The following OPA1 variants were observed in gnomAD, a reference collection of about 807,000 sequenced individuals.
OPA1 encodes dynamin-like GTPase OPA1, mitochondrial.
OPA1 carries 59 observed loss-of-function variants against 152.9 expected under a neutral mutation model. That is an observed-to-expected ratio of 0.39 (90% CI 0.31 to 0.48). The LOEUF (loss-of-function observed/expected upper bound fraction) is 0.48. OPA1 is among the 20% of genes least tolerant of loss of function. The pLI is 0.96. For missense variants in OPA1, 1,008 were observed against 1,216.8 expected (o/e 0.83, Z 2.55); for synonymous variants, 400 against 389.9 (o/e 1.03, Z -0.31).
intron 29 of OPA1, among the ~76,000 whole-genome samples, chr3:193,690,165 C>G (rs940931994): frequency 6.7e-6 from 1 of 149,920 alleles, no homozygotes; most frequent in African/African-American, 2.5e-5. Flanking sequence ...AAAATTGAGA[C>G]TCAACTTCTA....
chr3:193,683,892 A>T (rs2109410264), intron 29 of OPA1, among the ~76,000 whole-genome samples: 1 of 152,328 alleles, frequency 6.6e-6, no homozygotes. Flanking sequence ...TATACGCTTT[A>T]TTGTGGCAGT....
chr3:193,668,757 T>C, intron 29 of OPA1: 1 of 1,246,984 alleles, frequency 8.0e-7, no homozygotes, highest in Non-Finnish European at 1.0e-6. Flanking sequence ...CCCCCTAGCT[T>C]GGCCCTACTA....
chr3:193,695,036 A>G lies in OPA1; in HGVS notation c.*436A>G, dbSNP rs983371276. On this transcript the variant is annotated 3_prime_UTR_variant, in exon 31 of 31. Transcript: ENST00000361510. ...TTGTTTAAAGTTATCAATTGTATAT[A>G]AAATCACAGTAGCCTGCTAAATCAT... is the stretch of plus-strand genomic sequence containing the variant. The G allele has an allele frequency of 6.6e-6, 1 of 152,266 alleles. No homozygotes were observed. Among genetic ancestry groups the G allele is most frequent in the African/African-American group, 2.4e-5 (1 of 41,478 alleles). 9.4% of individuals were successfully genotyped at this position (152,266 alleles called of 1,614,324 possible). A position where few individuals can be genotyped will look rare whatever the true frequency, so the allele number is the denominator to read the frequency against.
At chr3:193,615,824 A>T (rs1003985532) in intron 3 of OPA1, 54 bp downstream of exon 3, 1 of 992,968 alleles carries the variant, frequency 1.0e-6, no homozygotes, top group Admixed American at 1.7e-5. Flanking sequence ...GGAAAGAGAA[A>T]TAGTTTATTG....
chr3:193,618,838 G>A, intron 5 of OPA1, 31 bp from the exon 6 acceptor site: 1 of 1,566,330 alleles, frequency 6.4e-7, no homozygotes, highest in South Asian at 1.1e-5. Context: ...CATCACTGGA[G>A]AATGTAAAGG....
chr3:193,648,763 A>G, intron 20 of OPA1, 32 bp from the exon 21 acceptor site: 2 of 1,408,470 alleles, frequency 1.4e-6, no homozygotes, highest in East Asian at 2.3e-5. Context: ...TGTCTTATGG[A>G]AATCTTACTT....
intron 8 of OPA1, among the ~76,000 whole-genome samples, chr3:193,633,967 T>C (rs1406755316): frequency 6.6e-6 from 1 of 152,198 alleles, no homozygotes; most frequent in African/African-American, 2.4e-5. Flanking sequence ...TCATACTATG[T>C]AGGTGTTCAA....
At chr3:193,632,066 C>T (rs1353403146) in intron 8 of OPA1, among the ~76,000 whole-genome samples, 1 of 152,148 alleles carries the variant, frequency 6.6e-6, no homozygotes, top group Non-Finnish European at 1.5e-5. Flanking sequence ...TCAGACAATG[C>T]TTATCTAAAG....
At chr3:193,653,267 G>A (rs931435902) in intron 21 of OPA1, among the ~76,000 whole-genome samples, 4 of 152,162 alleles carry the variant, frequency 2.6e-5, no homozygotes, top group Non-Finnish European at 4.4e-5. Context: ...TTAGCAGTGG[G>A]AAACCAGGAT....
chr3:193,599,031 G>C (rs1726050106), intron 1 of OPA1, among the ~76,000 whole-genome samples: 2 of 152,156 alleles, frequency 1.3e-5, no homozygotes, highest in African/African-American at 4.8e-5. Context: ...CCTTCCTCCT[G>C]TGCCTAGTCT....
At chr3:193,628,061 G>A (rs1361221062) in intron 7 of OPA1, among the ~76,000 whole-genome samples, 1 of 151,952 alleles carries the variant, frequency 6.6e-6, no homozygotes, top group African/African-American at 2.4e-5. Context: ...TCCCCCTGTA[G>A]TTACTATAGA....
At chr3:193,615,801 T>G (rs1728923738) in intron 3 of OPA1, 31 bp downstream of exon 3, 1 of 1,259,624 alleles carries the variant, frequency 7.9e-7, no homozygotes, top group Non-Finnish European at 1.2e-6. Context: ...AATACTTTTT[T>G]TGGTCATCTC....
intron 11 of OPA1, among the ~76,000 whole-genome samples, chr3:193,640,418 C>T (rs912093620): frequency 2.0e-5 from 3 of 152,304 alleles, no homozygotes; most frequent in Middle Eastern, 3.4e-3. Flanking sequence ...AGGTCACATG[C>T]TGCTGATCCA....
intron 29 of OPA1, among the ~76,000 whole-genome samples, chr3:193,674,704 G>C (rs954177104): frequency 1.1e-4 from 17 of 152,106 alleles, no homozygotes; most frequent in Non-Finnish European, 2.5e-4. Flanking sequence ...AGGTACCCTG[G>C]AACTTAATTT....
intron 25 of OPA1, 70 bp downstream of exon 25, chr3:193,659,631 T>G (rs957174252): frequency 4.8e-6 from 6 of 1,257,004 alleles, no homozygotes; most frequent in African/African-American, 3.0e-5. Context: ...CATTAAAATA[T>G]AACCTTTTTG....
intron 29 of OPA1, among the ~76,000 whole-genome samples, chr3:193,677,109 T>G (rs914353508): frequency 6.6e-6 from 1 of 151,940 alleles, no homozygotes. Flanking sequence ...CTAGCAAGTA[T>G]ATTCTTTTGC....
At chr3:193,667,963 G>T (rs1443210677) in intron 29 of OPA1, among the ~76,000 whole-genome samples, 3 of 152,146 alleles carry the variant, frequency 2.0e-5, no homozygotes, top group African/African-American at 4.8e-5. Context: ...TGGAGACCTA[G>T]AAATTATATA....
At chr3:193,673,335 CA>C (rs1288105337) in intron 29 of OPA1, among the ~76,000 whole-genome samples, 3 of 152,100 alleles carry the variant, frequency 2.0e-5, no homozygotes, top group African/African-American at 7.2e-5. Context: ...TCATTATTAC[CA>C]CAGGTACTTC....
intron 7 of OPA1, among the ~76,000 whole-genome samples, chr3:193,630,565 A>G (rs1169149918): frequency 2.0e-5 from 3 of 152,196 alleles, no homozygotes; most frequent in Non-Finnish European, 4.4e-5. Flanking sequence ...ATTTGCTGCC[A>G]TGATGTGTTG....
Sources: allele counts gnomAD v4.1 joint callset (sites outside exome capture counted in the v4.1 genomes callset), GRCh38; gene constraint gnomAD v4.1.1; transcripts MANE v1.5; gene names NCBI Gene and HGNC (gene_info 2026-07-23, HGNC 2026-07-21).